The following LRFN5 variants were observed in gnomAD, a reference collection of about 807,000 sequenced individuals.
LRFN5 encodes leucine-rich repeat and fibronectin type-III domain-containing protein 5.
In LRFN5, 24 loss-of-function variants were observed where a neutral mutation model predicts 45.6. The observed-to-expected ratio is 0.53, with a 90% CI of 0.38 to 0.74. LRFN5 has a LOEUF of 0.74. LRFN5 is among the 30% of genes least tolerant of loss of function. The pLI, the probability that LRFN5 is intolerant of heterozygous loss-of-function variation, is 0.00. For missense variants in LRFN5, 776 were observed against 861.5 expected (o/e 0.90, Z 1.24); for synonymous variants, 340 against 313.8 (o/e 1.08, Z -0.88).
intron 2 of LRFN5, among the ~76,000 whole-genome samples, chr14:41,845,459 G>T (rs1412159973): frequency 6.6e-6 from 1 of 151,980 alleles, no homozygotes; most frequent in Non-Finnish European, 1.5e-5. Context: ...TATTTGCATG[G>T]TGTATCTAAA....
At chr14:41,776,509 G>A (rs1400159590) in intron 2 of LRFN5, among the ~76,000 whole-genome samples, 4 of 152,014 alleles carry the variant, frequency 2.6e-5, no homozygotes, top group African/African-American at 9.7e-5. Context: ...ACAATGTATG[G>A]ATGCCTTAAT....
chr14:41,751,333 T>A (rs1188302766), intron 1 of LRFN5, among the ~76,000 whole-genome samples: 2 of 152,108 alleles, frequency 1.3e-5, no homozygotes, highest in African/African-American at 4.8e-5. Context: ...CTTTTAGAGC[T>A]ATAAATGGAA....
chr14:41,643,226 C>T (rs900335528), intron 1 of LRFN5, among the ~76,000 whole-genome samples: 7 of 152,032 alleles, frequency 4.6e-5, no homozygotes, highest in Non-Finnish European at 8.8e-5. Context: ...AAATAGGAAT[C>T]AAAAACATTC....
At chr14:41,813,992 C>T (rs1314671003) in intron 2 of LRFN5, among the ~76,000 whole-genome samples, 1 of 152,100 alleles carries the variant, frequency 6.6e-6, no homozygotes, top group Non-Finnish European at 1.5e-5. Flanking sequence ...ATCCTTTGCC[C>T]GCTTTTTGAT....
Position 41,898,977 on chromosome 14 carries a change from C to G in LRFN5, c.2142+17C>G. Reference sequence around the variant, plus strand: ...GAAACACAGGTGAGATTCTTATTACCTATAACTTACTTCAACACTTAAATG... The same window carrying G: ...GAAACACAGGTGAGATTCTTATTACGTATAACTTACTTCAACACTTAAATG... On this transcript the variant is annotated intron_variant, in intron 5 of 5. Transcript: ENST00000298119. 1 of 1,597,926 alleles carries G rather than the reference C, an allele frequency of 6.3e-7. No homozygotes were observed. The highest frequency in any genetic ancestry group is 8.5e-7 in the Non-Finnish European group (1 of 1,170,962).
chr14:41,656,096 T>C (rs974160305), intron 1 of LRFN5, among the ~76,000 whole-genome samples: 1 of 151,998 alleles, frequency 6.6e-6, no homozygotes, highest in African/African-American at 2.4e-5. Flanking sequence ...AATGTAGTAA[T>C]CTTAGTGCCA....
chr14:41,728,675 A>G (rs1459775426), intron 1 of LRFN5, among the ~76,000 whole-genome samples: 3 of 152,142 alleles, frequency 2.0e-5, no homozygotes, highest in Non-Finnish European at 2.9e-5. Context: ...CATCAAGGCT[A>G]CCACATAAGA....
At chr14:41,659,693 C>A (rs1880547157) in intron 1 of LRFN5, among the ~76,000 whole-genome samples, 1 of 152,106 alleles carries the variant, frequency 6.6e-6, no homozygotes. Flanking sequence ...TCCTCTTTTT[C>A]CACATCCTCT....
intron 1 of LRFN5, among the ~76,000 whole-genome samples, chr14:41,758,268 A>G (rs1383560758): frequency 1.3e-5 from 2 of 152,200 alleles, no homozygotes; most frequent in Non-Finnish European, 2.9e-5. Flanking sequence ...CAATATGACT[A>G]TTAAACTTGT....
intron 2 of LRFN5, among the ~76,000 whole-genome samples, chr14:41,804,090 C>T (rs1401701916): frequency 6.6e-6 from 1 of 152,122 alleles, no homozygotes; most frequent in Non-Finnish European, 1.5e-5. Flanking sequence ...TCTCGAACTC[C>T]TGACCTCAAG....
At chr14:41,894,023 G>T in intron 4 of LRFN5, 1 of 984,026 alleles carries the variant, frequency 1.0e-6, no homozygotes, top group South Asian at 4.7e-5. Context: ...AACATCAATT[G>T]CCTAATTCCT....
intron 2 of LRFN5, among the ~76,000 whole-genome samples, chr14:41,813,335 A>G (rs1887802933): frequency 6.6e-6 from 1 of 152,000 alleles, no homozygotes; most frequent in African/African-American, 2.4e-5. Context: ...TCCTAATGGT[A>G]TCCTTCCCCT....
At chr14:41,834,292 T>A (rs1301507696) in intron 2 of LRFN5, among the ~76,000 whole-genome samples, 1 of 152,260 alleles carries the variant, frequency 6.6e-6, no homozygotes, top group Non-Finnish European at 1.5e-5. Context: ...CTTCTAAGTT[T>A]ATTCTTATGT....
chr14:41,793,406 G>A (rs1203898232), intron 2 of LRFN5, among the ~76,000 whole-genome samples: 1 of 151,986 alleles, frequency 6.6e-6, no homozygotes, highest in Non-Finnish European at 1.5e-5. Flanking sequence ...TTTTGAAATA[G>A]TTCTTTTCCA....
intron 2 of LRFN5, among the ~76,000 whole-genome samples, chr14:41,871,518 G>A (rs1890018830): frequency 6.6e-6 from 1 of 151,968 alleles, no homozygotes; most frequent in Admixed American, 6.6e-5. Flanking sequence ...GAACCCGGGA[G>A]GCGGAGGTTG....
At chr14:41,741,820 AAAAAAACC>A (rs1293212553) in intron 1 of LRFN5, among the ~76,000 whole-genome samples, 2 of 151,542 alleles carry the variant, frequency 1.3e-5, no homozygotes, top group Non-Finnish European at 2.9e-5. Context: ...AAAATAAAAA[AAAAAAACC>A]AAAAAACTAA....
intron 1 of LRFN5, among the ~76,000 whole-genome samples, chr14:41,648,746 C>T (rs1879942759): frequency 6.6e-6 from 1 of 152,082 alleles, no homozygotes; most frequent in Non-Finnish European, 1.5e-5. Context: ...CCACTCCGCC[C>T]TCCCCTTACA....
chr14:41,766,956 C>G lies in LRFN5; in HGVS notation c.-94C>G. 6.5e-6 allele frequency: 1 copy of G among 152,742 alleles called. No individual in the cohort carries two copies. The allele number at this position is 152,742 out of a possible 1,614,324, so 9.5% of individuals were successfully genotyped here. A position where few individuals can be genotyped will look rare whatever the true frequency, so the allele number is the denominator to read the frequency against. On this transcript the variant is annotated 5_prime_UTR_variant, in exon 2 of 6. Transcript: ENST00000298119. ...AATCAGCTTTGGAGATGCTTTCACT[C>G]TGTCCGTCTTCTGCAGCAGCCAGGC...
At chr14:41,756,400 A>G (rs373594249) in intron 1 of LRFN5, among the ~76,000 whole-genome samples, 1 of 152,152 alleles carries the variant, frequency 6.6e-6, no homozygotes, top group African/African-American at 2.4e-5. Context: ...TTTTAGGTAC[A>G]CCATTCAGAC....
Sources: gnomAD v4.1 joint callset for allele counts (sites outside exome capture counted in the v4.1 genomes callset) on GRCh38, gnomAD v4.1.1 for gene constraint, MANE v1.5 for transcripts, NCBI Gene and HGNC (gene_info 2026-07-23, HGNC 2026-07-21) for gene names.